SLC25A25: variants seen among roughly 807,000 people sequenced by gnomAD.
SLC25A25 encodes solute carrier family 25 member 25, also known as mitochondrial adenyl nucleotide antiporter SLC25A25.
In SLC25A25, 32 loss-of-function variants were observed where a neutral mutation model predicts 57.7. That is an observed-to-expected ratio of 0.55 (90% CI 0.42 to 0.74). The LOEUF is 0.74. Among genes scored for constraint, SLC25A25 ranks in the 30% least tolerant of loss-of-function variants. The pLI, the probability that SLC25A25 is intolerant of heterozygous loss-of-function variation, is 0.00. For synonymous variants in SLC25A25, 306 were observed against 291.2 expected (o/e 1.05, Z -0.52); for missense variants, 556 against 701.3 (o/e 0.79, Z 2.34).
chr9:128,088,738 C>A (rs1404815728), intron 1 of SLC25A25, among the ~76,000 whole-genome samples: 1 of 152,206 alleles, frequency 6.6e-6, no homozygotes, highest in Non-Finnish European at 1.5e-5. Context: ...TTACTCCTAT[C>A]TTTGCCGGAA....
In SLC25A25 at chr9:128,107,422, C is replaced by T. The variant is rs978492783; in HGVS notation, c.1526C>T (p.Thr509Ile). 24 of 1,507,840 alleles carry T rather than the reference C, an allele frequency of 1.6e-5. No homozygotes were observed. The highest frequency in any genetic ancestry group is 2.1e-5 in the Non-Finnish European group (24 of 1,127,436). The allele number at this position is 1,507,840 out of a possible 1,614,324, so 93.4% of individuals were successfully genotyped here. ...SYVVYENLKITLGVQSR is the reference protein window; with the variant it reads ...SYVVYENLKIILGVQSR ...GTGGTCTACGAGAACCTGAAGATCA[C>T]CCTGGGCGTGCAGTCGCGGTGACGG... The change falls in exon 11 of 11, where the codon ACC becomes ATC. Residue 509 changes from threonine (T) to isoleucine (I), a missense_variant. Physicochemically the swap from Thr to Ile is moderately conservative, Grantham distance 89. Transcript: ENST00000373069.
Position 128,101,441 on chromosome 9 carries a change from G to C in SLC25A25, c.476+45G>C, listed in dbSNP as rs376667760. 1 of 1,601,244 alleles carries C rather than the reference G, an allele frequency of 6.2e-7. No individual in the cohort carries two copies. The highest frequency in any genetic ancestry group is 8.5e-7 in the Non-Finnish European group (1 of 1,170,356). ...CTGTGTTTGGTTTAAGTGTGATGAAGGGAAGGCTCTGAGACTAACCCTCCG... is the reference window on the plus strand; with the variant it reads ...CTGTGTTTGGTTTAAGTGTGATGAACGGAAGGCTCTGAGACTAACCCTCCG... On this transcript the variant is annotated intron_variant, in intron 3 of 10. Coordinates refer to ENST00000373069, the MANE Select transcript of SLC25A25 (RefSeq NM_001330988.2). This position sits in a 1 kb window ranked among gnomAD's most constrained non-coding sequence, Gnocchi z 4.9.
chr9:128,097,428 T>C lies in SLC25A25; in HGVS notation c.262-3668T>C, dbSNP rs56025690. Among the ~76,000 whole-genome samples, 788 of 151,930 alleles carry C rather than the reference T, an allele frequency of 5.2e-3. 9 individuals carry two copies. Among genetic ancestry groups the C allele is most frequent in the African/African-American group, 0.018 (761 of 41,448 alleles). ...AGTTTGTAATTTCATGTCATTTTAATGAATTTACTTTTTTGCATGAGACAC... is the reference window on the plus strand; with the variant it reads ...AGTTTGTAATTTCATGTCATTTTAACGAATTTACTTTTTTGCATGAGACAC... On this transcript the variant is annotated intron_variant, in intron 1 of 10. Transcript: ENST00000373069.
At chr9:128,100,979 C>T (rs1833767343) in intron 1 of SLC25A25, 117 bp from the exon 2 acceptor site, 6 of 1,426,946 alleles carry the variant, frequency 4.2e-6, no homozygotes, top group Non-Finnish European at 5.7e-6. Flanking sequence ...ATCTTGGGTC[C>T]TTGGGGCCAG....
intron 1 of SLC25A25, among the ~76,000 whole-genome samples, chr9:128,079,044 C>T (rs1018400730): frequency 6.6e-6 from 1 of 152,136 alleles, no homozygotes; most frequent in Admixed American, 6.6e-5. Flanking sequence ...CAACACCACA[C>T]CTGACAAAAG....
intron 1 of SLC25A25, among the ~76,000 whole-genome samples, chr9:128,085,604 T>C (rs1833258113): frequency 6.6e-6 from 1 of 152,148 alleles, no homozygotes; most frequent in East Asian, 1.9e-4. Context: ...AGTTTATTAT[T>C]TTTTTCTTCT....
chr9:128,068,366 ACGCCGCCGCCAC>A lies in SLC25A25; in HGVS notation c.55_66del (p.Ala19_Ala22del), dbSNP rs769823808. ...CGCTGTGTGGCCTCCCCGCCGCCGG[ACGCCGCCGCCAC>A]CGCCGCCTCTTCGTCTGCCTCATCG... On this transcript the variant is annotated inframe_deletion, in exon 1 of 11. Transcript: ENST00000373069. 3.1e-5 allele frequency: 48 copies of A among 1,543,388 alleles called. No homozygotes were observed. In the Admixed American group the frequency reaches 8.8e-4, roughly 28 times the overall value.
Position 128,107,555 on chromosome 9 carries a change from G to C in SLC25A25, c.*111G>C, listed in dbSNP as rs1834104230. The C allele has an allele frequency of 7.5e-7, 1 of 1,340,494 alleles. No homozygotes were observed. Among genetic ancestry groups the C allele is most frequent in the Non-Finnish European group, 9.9e-7 (1 of 1,007,946 alleles). The allele number at this position is 1,340,494 out of a possible 1,614,324, so 83.0% of individuals were successfully genotyped here. A position where few individuals can be genotyped will look rare whatever the true frequency, so the allele number is the denominator to read the frequency against. The stretch of plus-strand genomic sequence containing the variant: ...ACACTAAGCTGTCTCGAGCCAAGCT[G>C]TGAAAACCCTAGACGCACCCGCAGG... On this transcript the variant is annotated 3_prime_UTR_variant, in exon 11 of 11. Coordinates refer to ENST00000373069, the MANE Select transcript of SLC25A25 (RefSeq NM_001330988.2).
intron 1 of SLC25A25, among the ~76,000 whole-genome samples, chr9:128,093,781 G>A (rs1833480902): frequency 6.6e-6 from 1 of 152,244 alleles, no homozygotes; most frequent in African/African-American, 2.4e-5. Flanking sequence ...TGGGGTTTGT[G>A]ATCACTGGCT....
intron 1 of SLC25A25, among the ~76,000 whole-genome samples, chr9:128,074,510 A>G (rs1194781040): frequency 6.6e-6 from 1 of 151,602 alleles, no homozygotes; most frequent in Non-Finnish European, 1.5e-5. Flanking sequence ...GGAGTTCAAG[A>G]CCTGCCTGGC....
rs1286268825 is a variant in SLC25A25 at position 128,099,765 on chromosome 9, G to A, written c.262-1331G>A. 1.3e-5 allele frequency among the ~76,000 whole-genome samples: 2 copies of A among 152,188 alleles called. No homozygotes were observed. The highest frequency in any genetic ancestry group is 2.9e-5 in the Non-Finnish European group (2 of 68,038). On this transcript the variant is annotated intron_variant, in intron 1 of 10. Transcript: ENST00000373069. This position sits in a 1 kb window ranked among gnomAD's most constrained non-coding sequence, Gnocchi z 6.8. Reference sequence around the variant, plus strand: ...CCTTTGGCAGCTGAGGAATCACAAGGCGCTGTCAGTAGTGTGTCTAAGAGA... The same window carrying A: ...CCTTTGGCAGCTGAGGAATCACAAGACGCTGTCAGTAGTGTGTCTAAGAGA...
intron 1 of SLC25A25, among the ~76,000 whole-genome samples, chr9:128,076,458 TTTTA>T (rs1468236191): frequency 2.4e-4 from 31 of 127,266 alleles, no homozygotes; most frequent in African/African-American, 1.4e-3. Flanking sequence ...TTATTTTTAT[TTTTA>T]TTTTTATTTT....
intron 1 of SLC25A25, chr9:128,091,163 TC>T (rs1833393800): frequency 6.6e-6 from 1 of 152,230 alleles, no homozygotes; most frequent in South Asian, 2.1e-4. Context: ...TGCCAAGGAC[TC>T]TTGATGGTGT....
rs1279522028 is a variant in SLC25A25, at chr9:128,108,708, C to G, written c.*1264C>G. 1.3e-5 allele frequency: 2 copies of G among 152,650 alleles called. No homozygotes were observed. Among genetic ancestry groups the G allele is most frequent in the Non-Finnish European group, 2.9e-5 (2 of 68,368 alleles). The allele number at this position is 152,650 out of a possible 1,614,324, so 9.5% of individuals were successfully genotyped here. On this transcript the variant is annotated 3_prime_UTR_variant, in exon 11 of 11. Coordinates refer to ENST00000373069, the MANE Select transcript of SLC25A25 (RefSeq NM_001330988.2). ...TTGGGCCGCTGCAGTCACATCTGTC[C>G]AGAGAAATTCCTTTTGGGACTGGAG...
Position 128,103,959 on chromosome 9 carries a change from A to G in SLC25A25, c.783+120A>G. Reference sequence around the variant, plus strand: ...TTTGGGCCCAAACTTTTCTAACCCAATAAATTAGACTAGAATTATTGCTCA... The same window carrying G: ...TTTGGGCCCAAACTTTTCTAACCCAGTAAATTAGACTAGAATTATTGCTCA... On this transcript the variant is annotated intron_variant, in intron 6 of 10. Transcript: ENST00000373069. The surrounding 1 kb of genome is among the most constrained non-coding windows in gnomAD (Gnocchi z 6.7). 1.9e-6 allele frequency: 2 copies of G among 1,039,654 alleles called. No individual in the cohort carries two copies. Among genetic ancestry groups the G allele is most frequent in the Non-Finnish European group, 2.7e-6 (2 of 744,952 alleles). 64.4% of individuals were successfully genotyped at this position (1,039,654 alleles called of 1,614,324 possible).
chr9:128,068,433 C>T lies in SLC25A25; in HGVS notation c.114C>T (p.Gly38=), dbSNP rs777934320. 2 of 1,558,116 alleles carry T rather than the reference C, an allele frequency of 1.3e-6. No homozygotes were observed. The highest frequency in any genetic ancestry group is 1.4e-5 in the African/African-American group (1 of 70,836). Residue 38 remains glycine, a synonymous_variant, in exon 1 of 11, where the codon GGC becomes GGT. Transcript: ENST00000373069. ...CGTCCGTGGGGGACCCCTGCGGCGG[C>T]GCTATCTGCGGGGGCCCGGACCACC... ...SPASVGDPCG[G]AICGGPDHRL... is the part of the protein sequence containing the mutation.
At position 128,102,112 on chromosome 9, in the gene SLC25A25, C is replaced by T; in HGVS notation, c.509C>T (p.Thr170Ile). The T allele has an allele frequency of 1.3e-6, 2 of 1,550,608 alleles. No individual in the cohort carries two copies. The highest frequency in any genetic ancestry group is 1.7e-6 in the Non-Finnish European group (2 of 1,146,992). Residue 170 changes from threonine (T) to isoleucine (I), a missense_variant, in exon 4 of 11, where the codon ACC becomes ATC. Transcript: ENST00000373069. This position sits in a 1 kb window ranked among gnomAD's most constrained non-coding sequence, Gnocchi z 4.1. ...IRTGHFWGPV[T>I]YMDKNGTMTI... ...ACGGGCCATTTCTGGGGCCCTGTCA[C>T]CTAGTAAGTATCCATGTCGCTCATG...
At chr9:128,088,494 T>C (rs1378694052) in intron 1 of SLC25A25, among the ~76,000 whole-genome samples, 1 of 152,182 alleles carries the variant, frequency 6.6e-6, no homozygotes, top group Non-Finnish European at 1.5e-5. Context: ...CAGCCCCATC[T>C]CTTGAACATC....
chr9:128,079,485 G>A (rs547220388), intron 1 of SLC25A25, among the ~76,000 whole-genome samples: 16 of 151,248 alleles, frequency 1.1e-4, no homozygotes, highest in African/African-American at 3.4e-4. Context: ...CTGGCTGGGC[G>A]TTGTGGCTCA....
Sources: gnomAD v4.1 joint callset for allele counts (sites outside exome capture counted in the v4.1 genomes callset) on GRCh38, gnomAD v4.1.1 for gene constraint, Gnocchi (gnomAD v3.1) non-coding constraint, MANE v1.5 for transcripts, NCBI Gene and HGNC (gene_info 2026-07-23, HGNC 2026-07-21) for gene names.